Variants in FLT3 observed in about 807,000 individuals in gnomAD.
FLT3 encodes the protein receptor-type tyrosine-protein kinase FLT3.
In FLT3, 46 loss-of-function variants were observed where a neutral mutation model predicts 126.6. The observed-to-expected ratio is 0.36, with a 90% CI of 0.29 to 0.46. The LOEUF (loss-of-function observed/expected upper bound fraction) is 0.46. Among genes scored for constraint, FLT3 ranks in the 20% least tolerant of loss-of-function variants. FLT3 has a pLI of 1.00. For missense variants in FLT3, 1,069 were observed against 1,190.3 expected, an observed-to-expected ratio of 0.90 and a Z score of 1.50; for synonymous variants, 404 against 434.4, an observed-to-expected ratio of 0.93 and a Z score of 0.87.
chr13:28,085,212 C>A (rs1593301268), intron 1 of FLT3, among the ~76,000 whole-genome samples: 1 of 151,356 alleles, frequency 6.6e-6, no homozygotes, highest in Admixed American at 6.6e-5. Context: ...GGCCTGGTGG[C>A]GCACGCCTAT....
chr13:28,073,993 T>C (rs187600710), intron 1 of FLT3, among the ~76,000 whole-genome samples: 1 of 150,024 alleles, frequency 6.7e-6, no homozygotes, highest in Admixed American at 6.7e-5. Context: ...TTTTAAAAGA[T>C]AGTAAAGTTA....
chr13:28,056,028 T>C (rs1875968704), intron 4 of FLT3, among the ~76,000 whole-genome samples: 1 of 152,114 alleles, frequency 6.6e-6, no homozygotes. Flanking sequence ...TTGGGTAATT[T>C]TGACTTTAGC....
rs56241602 is a variant in FLT3 at position 28,071,300 on chromosome 13, G to A, written c.44-688C>T. Among the ~76,000 whole-genome samples, 1,282 of 151,886 alleles carry A rather than the reference G, an allele frequency of 8.4e-3. 21 individuals carry two copies. Among genetic ancestry groups the A allele is most frequent in the African/African-American group, 0.028 (1,176 of 41,380 alleles). On this transcript the variant is annotated intron_variant, in intron 1 of 23. Coordinates refer to ENST00000241453, the MANE Select transcript of FLT3 (RefSeq NM_004119.3). ...GCTGGGATTACAGGTGTAAGCCACT[G>A]TGCCCGGCCTGGTATATTCTTTTTT... is the stretch of plus-strand genomic sequence containing the variant.
intron 19 of FLT3, among the ~76,000 whole-genome samples, chr13:28,019,780 C>G (rs1222337049): frequency 6.6e-6 from 1 of 152,152 alleles, no homozygotes; most frequent in Non-Finnish European, 1.5e-5. Context: ...GCCCCTCCCG[C>G]TTCTGGTCCT....
At chr13:28,006,728 CTT>C (rs753656559) in intron 23 of FLT3, among the ~76,000 whole-genome samples, 73 of 132,848 alleles carry the variant, frequency 5.5e-4, no homozygotes, top group African/African-American at 1.1e-3. Flanking sequence ...CCTTTCTTTC[CTT>C]TTTTTTTTTT....
intron 23 of FLT3, among the ~76,000 whole-genome samples, chr13:28,005,201 C>T (rs549943568): frequency 2.6e-4 from 39 of 152,116 alleles, no homozygotes; most frequent in Non-Finnish European, 4.0e-4. Context: ...TGGCGGCGCG[C>T]GCCTGCAGTC....
chr13:28,061,703 C>T (rs1436943168), intron 3 of FLT3, among the ~76,000 whole-genome samples, 164 bp downstream of exon 3: 1 of 150,764 alleles, frequency 6.6e-6, no homozygotes, highest in African/African-American at 2.4e-5. Context: ...CTTGGAAGGT[C>T]GAGGCTACAG....
intron 4 of FLT3, among the ~76,000 whole-genome samples, chr13:28,053,484 T>C (rs1400587059): frequency 6.6e-6 from 1 of 150,494 alleles, no homozygotes; most frequent in Non-Finnish European, 1.5e-5. Flanking sequence ...ACTATCCACC[T>C]AATAACTAGA....
intron 1 of FLT3, among the ~76,000 whole-genome samples, chr13:28,073,033 T>C (rs1182090360): frequency 2.8e-5 from 4 of 143,246 alleles, no homozygotes; most frequent in Non-Finnish European, 6.2e-5. Flanking sequence ...ACAACAAATA[T>C]GCTTATCTCT....
chr13:28,005,699 T>G (rs796206687), intron 23 of FLT3, among the ~76,000 whole-genome samples: 81 of 152,288 alleles, frequency 5.3e-4, no homozygotes, highest in African/African-American at 1.4e-3. Flanking sequence ...ACTTGAACTG[T>G]GATACACAAG....
rs766953291 is a variant in FLT3 at position 28,004,141 on chromosome 13, A to C, written c.2893T>G (p.Cys965Gly). ...CGCCTGTTTTGGTAGGTGTGAGGACATTCCGAAACACGGCCATCCACATTC... is the reference window on the plus strand; with the variant it reads ...CGCCTGTTTTGGTAGGTGTGAGGACCTTCCGAAACACGGCCATCCACATTC... ...YQNVDGRVSE[C>G]PHTYQNRRPF... is the part of the protein sequence containing the mutation. The change falls in exon 24 of 24, where the codon TGT (cysteine) becomes GGT (glycine). Residue 965 changes from cysteine (C) to glycine (G), a missense_variant. Cys to Gly is a radical substitution (Grantham distance 159). Coordinates refer to ENST00000241453, the MANE Select transcript of FLT3 (RefSeq NM_004119.3). The C allele has an allele frequency of 3.1e-6, 5 of 1,613,990 alleles. No homozygotes were observed. The highest frequency in any genetic ancestry group is 4.2e-6 in the Non-Finnish European group (5 of 1,180,002).
chr13:28,033,116 A>G (rs1001509445), intron 15 of FLT3, among the ~76,000 whole-genome samples: 1 of 151,590 alleles, frequency 6.6e-6, no homozygotes, highest in East Asian at 1.9e-4. Flanking sequence ...AGGAGTTTGC[A>G]ACCATCCTGG....
In FLT3 at chr13:28,098,472, A is replaced by G. The variant is rs982546954; in HGVS notation, c.43+1996T>C. Among the ~76,000 whole-genome samples the G allele has an allele frequency of 2.6e-5, 4 of 152,210 alleles. No homozygotes were observed. The South Asian group carries it at 6.2e-4, about 24-fold the overall frequency. ...TTATTCAAGAAAATCCATAATACAA[A>G]GTATTGGCAAAGATGTGAGGAACTG... On this transcript the variant is annotated intron_variant, in intron 1 of 23. Transcript: ENST00000241453.
chr13:28,045,879 T>C (rs1187573550), intron 9 of FLT3, among the ~76,000 whole-genome samples: 1 of 149,594 alleles, frequency 6.7e-6, no homozygotes. Context: ...AGCTTGATAT[T>C]TCTGAATAAC....
intron 12 of FLT3, among the ~76,000 whole-genome samples, chr13:28,034,944 CA>C (rs34049926): frequency 0.1 from 14,990 of 149,176 alleles, 1,281 homozygotes; most frequent in African/African-American, 0.22. Flanking sequence ...GTCTCCATCT[CA>C]AAAAAAAAAA....
chr13:28,089,906 T>C (rs913839686), intron 1 of FLT3, among the ~76,000 whole-genome samples: 1 of 151,200 alleles, frequency 6.6e-6, no homozygotes, highest in Non-Finnish European at 1.5e-5. Context: ...GGCTAAGTTT[T>C]ATATATATTT....
At chr13:28,070,104 G>A (rs1017471896) in intron 2 of FLT3, among the ~76,000 whole-genome samples, 2 of 152,168 alleles carry the variant, frequency 1.3e-5, no homozygotes, top group African/African-American at 4.8e-5. Context: ...AACAGAATGA[G>A]ACTGTCTCAA....
chr13:28,039,895 G>A (rs1874190913), intron 9 of FLT3, among the ~76,000 whole-genome samples: 1 of 151,920 alleles, frequency 6.6e-6, no homozygotes, highest in African/African-American at 2.4e-5. Context: ...GTCTCACTAT[G>A]TTGCCCAGGC....
intron 15 of FLT3, among the ~76,000 whole-genome samples, chr13:28,029,395 AAAAACAAAAC>A (rs57346071): frequency 0.16 from 24,513 of 151,416 alleles, 3,851 homozygotes; most frequent in African/African-American, 0.41. Context: ...ACTCTGTCTC[AAAAACAAAAC>A]AAAACAAAAC....
Sources: gnomAD v4.1 joint callset for allele counts (sites outside exome capture counted in the v4.1 genomes callset) on GRCh38, gnomAD v4.1.1 for gene constraint, MANE v1.5 for transcripts, NCBI Gene and HGNC (gene_info 2026-07-23, HGNC 2026-07-21) for gene names.